Variants in HIF3A observed in about 807,000 individuals in gnomAD.
HIF3A encodes hypoxia inducible factor 3 subunit alpha.
Under a neutral mutation model 67.2 loss-of-function variants are expected in HIF3A, and 41 were observed. The observed-to-expected ratio is 0.61, with a 90% CI of 0.48 to 0.79. HIF3A has a LOEUF of 0.79. Among genes scored for constraint, HIF3A ranks in the 30% least tolerant of loss-of-function variants. The pLI is 0.00. For missense variants in HIF3A, 855 were observed against 898.0 expected (o/e 0.95, Z 0.61); for synonymous variants, 356 against 374.8 (o/e 0.95, Z 0.58).
intron 8 of HIF3A, 31 bp from the exon 9 acceptor site, chr19:46,320,412 C>T (rs748676834): frequency 6.4e-7 from 1 of 1,566,918 alleles, no homozygotes; most frequent in East Asian, 2.2e-5. Context: ...CCCTCCCTGA[C>T]TCCCACCTCC....
chr19:46,298,459 G>A (rs527487022), intron 1 of HIF3A: 8 of 1,286,208 alleles, frequency 6.2e-6, no homozygotes, highest in South Asian at 1.2e-5. Flanking sequence ...TGGCTGCACC[G>A]CATCCCCTCC....
chr19:46,315,849 G>C (rs1969872473), intron 8 of HIF3A, among the ~76,000 whole-genome samples: 1 of 152,138 alleles, frequency 6.6e-6, no homozygotes, highest in African/African-American at 2.4e-5. Flanking sequence ...AGGAGGTGGA[G>C]GTTGCAGTGA....
intron 2 of HIF3A, 21 bp downstream of exon 2, chr19:46,304,109 T>G (rs1968596488): frequency 5.2e-6 from 8 of 1,544,302 alleles, no homozygotes; most frequent in African/African-American, 2.7e-5. Flanking sequence ...CCCGCGGGAA[T>G]TCCCGTCTTG....
intron 10 of HIF3A, among the ~76,000 whole-genome samples, chr19:46,324,718 G>C (rs370556921): frequency 2.4e-3 from 357 of 151,764 alleles, no homozygotes; most frequent in African/African-American, 8.1e-3. Context: ...GCCAGGCGTG[G>C]TGGAGGGCGC....
At chr19:46,299,901 A>G (rs1968182918) in intron 1 of HIF3A, among the ~76,000 whole-genome samples, 1 of 152,086 alleles carries the variant, frequency 6.6e-6, no homozygotes, top group African/African-American at 2.4e-5. Flanking sequence ...TGTCTCTGCT[A>G]CTAAAAGCTG....
At chr19:46,300,634 C>A (rs2147105444) in intron 1 of HIF3A, among the ~76,000 whole-genome samples, 1 of 152,320 alleles carries the variant, frequency 6.6e-6, no homozygotes, top group East Asian at 1.9e-4. Flanking sequence ...GCACTCCAGC[C>A]TGGGCAACAG....
intron 10 of HIF3A, among the ~76,000 whole-genome samples, chr19:46,324,986 T>A (rs556901449): frequency 3.6e-5 from 2 of 55,512 alleles, no homozygotes; most frequent in East Asian, 5.6e-4. Flanking sequence ...ACACATATAT[T>A]GTGTGTGTGT....
At chr19:46,301,914 C>T (rs1232191457) in intron 1 of HIF3A, among the ~76,000 whole-genome samples, 2 of 151,390 alleles carry the variant, frequency 1.3e-5, no homozygotes, top group Non-Finnish European at 2.9e-5. Context: ...TGGATGAATA[C>T]ATGTAGAATA....
intron 3 of HIF3A, among the ~76,000 whole-genome samples, chr19:46,307,231 C>G (rs1483505469): frequency 1.3e-5 from 2 of 152,164 alleles, no homozygotes; most frequent in African/African-American, 4.8e-5. Context: ...TTTGTTCTTT[C>G]ATTCACTGTC....
chr19:46,304,333 C>A (rs939243643), intron 2 of HIF3A: 1 of 570,926 alleles, frequency 1.8e-6, no homozygotes, highest in Non-Finnish European at 3.1e-6. Context: ...GAGGCCCCGC[C>A]CCTGGAACGC....
In HIF3A at chr19:46,339,084, C is replaced by G. The variant is rs141143834; in HGVS notation, c.1913-441C>G. ...TTAAATGCCCAGACACGCCACAATA[C>G]CAGGCGTTATCAATACCAGCTCACA... On this transcript the variant is annotated intron_variant, in intron 14 of 14. Transcript: ENST00000377670. 3.6e-3 allele frequency among the ~76,000 whole-genome samples: 551 copies of G among 152,096 alleles called. 2 individuals carry two copies. The highest frequency in any genetic ancestry group is 0.013 in the African/African-American group (531 of 41,486).
chr19:46,326,572 A>G (rs1970798161), intron 11 of HIF3A, among the ~76,000 whole-genome samples: 1 of 152,076 alleles, frequency 6.6e-6, no homozygotes, highest in Non-Finnish European at 1.5e-5. Context: ...AAAGTCTCCC[A>G]AAGTTTCTTC....
chr19:46,298,896 C>G (rs572140112), intron 1 of HIF3A, among the ~76,000 whole-genome samples: 16 of 152,312 alleles, frequency 1.1e-4, no homozygotes, highest in African/African-American at 3.6e-4. Context: ...ACGCCCCCCC[C>G]CAATACCCAG....
intron 4 of HIF3A, 173 bp downstream of exon 4, chr19:46,308,478 T>C (rs1444551966): frequency 1.6e-6 from 1 of 634,744 alleles, no homozygotes; most frequent in Non-Finnish European, 2.8e-6. Context: ...TGGGGGGGTC[T>C]GAGGGGACAC....
chr19:46,306,655 A>G (rs1968878997), intron 3 of HIF3A: 1 of 152,196 alleles, frequency 6.6e-6, no homozygotes, highest in Non-Finnish European at 1.5e-5. Context: ...TATCTCACAT[A>G]AATAGGCTCC....
rs963661794 is a variant in HIF3A, at chr19:46,321,756, C to T, written c.1145-20C>T. The T allele has an allele frequency of 1.9e-6, 3 of 1,608,056 alleles. No individual in the cohort carries two copies. The highest frequency in any genetic ancestry group is 2.5e-6 in the Non-Finnish European group (3 of 1,176,494). On this transcript the variant is annotated intron_variant, in intron 9 of 14. Transcript: ENST00000377670. ...CTCAGTCACCAGCCCGTGTCCTCCC[C>T]ATCTCCATGTGTCCTGCAGACACCC...
At chr19:46,326,402 C>T (rs1601331255) in intron 11 of HIF3A, among the ~76,000 whole-genome samples, 1 of 152,204 alleles carries the variant, frequency 6.6e-6, no homozygotes, top group African/African-American at 2.4e-5. Context: ...CAAATCATCG[C>T]TTCTGCCATA....
At chr19:46,324,999 G>A (rs546077629) in intron 10 of HIF3A, among the ~76,000 whole-genome samples, 2 of 145,012 alleles carry the variant, frequency 1.4e-5, no homozygotes, top group South Asian at 2.2e-4. Context: ...GTGTGTGTGT[G>A]TGTGTGTGTG....
At position 46,319,198 on chromosome 19, in the gene HIF3A, G is replaced by A. The variant is rs75422562; in HGVS notation, c.1026-1245G>A. ...GCTCCTGTTTGTGCCTGTGTGTACCGAGTGTGTATACAAGTTCGATTGTGT... is the reference window on the plus strand; with the variant it reads ...GCTCCTGTTTGTGCCTGTGTGTACCAAGTGTGTATACAAGTTCGATTGTGT... On this transcript the variant is annotated intron_variant, in intron 8 of 14. Transcript: ENST00000377670. 3.2e-3 allele frequency among the ~76,000 whole-genome samples: 482 copies of A among 152,258 alleles called. 4 individuals carry two copies. Among genetic ancestry groups the A allele is most frequent in the Admixed American group, 0.021 (314 of 15,278 alleles).
Sources: allele counts gnomAD v4.1 joint callset (sites outside exome capture counted in the v4.1 genomes callset), GRCh38; gene constraint gnomAD v4.1.1; transcripts MANE v1.5; gene names NCBI Gene and HGNC (gene_info 2026-07-23, HGNC 2026-07-21).